The following BABAM2 variants were observed in gnomAD, a reference collection of about 807,000 sequenced individuals.
BABAM2 encodes BRISC and BRCA1 A complex member 2.
Under a neutral mutation model 54.7 loss-of-function variants are expected in BABAM2, and 31 were observed. That is an observed-to-expected ratio of 0.57 (90% CI 0.43 to 0.77). The LOEUF (loss-of-function observed/expected upper bound fraction) is 0.77. BABAM2 is among the 30% of genes least tolerant of loss of function. BABAM2 has a pLI of 0.00. For synonymous variants in BABAM2, 167 were observed against 162.9 expected, an observed-to-expected ratio of 1.03 and a Z score of -0.19; for missense variants, 364 against 455.8, an observed-to-expected ratio of 0.80 and a Z score of 1.83.
chr2:28,243,873 A>C (rs1387350662), intron 9 of BABAM2, among the ~76,000 whole-genome samples: 1 of 152,206 alleles, frequency 6.6e-6, no homozygotes, highest in Non-Finnish European at 1.5e-5. Context: ...CTGGGCGGGC[A>C]TCAATATCAG....
In BABAM2 at chr2:28,338,659, G is replaced by A. The variant is rs951555877; in HGVS notation, c.*146G>A. 43 of 897,304 alleles carry A rather than the reference G, an allele frequency of 4.8e-5. No homozygotes were observed. The East Asian group carries it at 8.5e-4, about 18-fold the overall frequency. 55.6% of individuals were successfully genotyped at this position (897,304 alleles called of 1,614,324 possible). On this transcript the variant is annotated 3_prime_UTR_variant, in exon 12 of 12. Transcript: ENST00000379624. ...GCTTTTGCACGCCCCAGGCAGCCCCGACTGCTGAAATCCAACTTGAGCTGG... is the reference window on the plus strand; with the variant it reads ...GCTTTTGCACGCCCCAGGCAGCCCCAACTGCTGAAATCCAACTTGAGCTGG...
At chr2:28,017,651 C>T (rs1412690316) in intron 4 of BABAM2, among the ~76,000 whole-genome samples, 2 of 152,174 alleles carry the variant, frequency 1.3e-5, no homozygotes, top group African/African-American at 4.8e-5. Flanking sequence ...CAAAAAGAAA[C>T]TGTGTATGCA....
chr2:28,218,107 T>A (rs1680076729), intron 7 of BABAM2, among the ~76,000 whole-genome samples: 1 of 152,256 alleles, frequency 6.6e-6, no homozygotes, highest in Non-Finnish European at 1.5e-5. Context: ...GTATTTATTC[T>A]CTATGTACTT....
intron 10 of BABAM2, among the ~76,000 whole-genome samples, chr2:28,261,843 T>C (rs934548863): frequency 2.8e-5 from 4 of 143,954 alleles, no homozygotes; most frequent in African/African-American, 7.5e-5. Flanking sequence ...ACTTTATTCA[T>C]TTATATATTG....
intron 6 of BABAM2, among the ~76,000 whole-genome samples, chr2:28,108,894 T>TTA (rs1016919026): frequency 2.0e-5 from 3 of 152,218 alleles, no homozygotes; most frequent in Non-Finnish European, 4.4e-5. Context: ...TCTCTGTATC[T>TTA]AATTAGCTCT....
At chr2:28,063,408 T>G (rs902701270) in intron 6 of BABAM2, among the ~76,000 whole-genome samples, 1 of 152,238 alleles carries the variant, frequency 6.6e-6, no homozygotes, top group African/African-American at 2.4e-5. Context: ...CAAAATATCA[T>G]TTCAACATAT....
intron 7 of BABAM2, among the ~76,000 whole-genome samples, chr2:28,136,361 T>C (rs534501837): frequency 1.4e-4 from 22 of 152,362 alleles, no homozygotes; most frequent in African/African-American, 5.0e-4. Context: ...TCTAAACTCT[T>C]TAAGGCCTGG....
At chr2:28,210,714 G>A (rs1419991261) in intron 7 of BABAM2, among the ~76,000 whole-genome samples, 2 of 152,184 alleles carry the variant, frequency 1.3e-5, no homozygotes, top group East Asian at 3.8e-4. Flanking sequence ...GCCAATGGAA[G>A]GTCCTGGATT....
intron 2 of BABAM2, chr2:27,896,867 C>A: frequency 5.0e-6 from 1 of 200,730 alleles, no homozygotes; most frequent in Non-Finnish European, 1.1e-5. Flanking sequence ...ACAGGGAGCT[C>A]GTGGTCTCTG....
At chr2:28,163,874 G>T (rs1438756903) in intron 7 of BABAM2, among the ~76,000 whole-genome samples, 1 of 152,158 alleles carries the variant, frequency 6.6e-6, no homozygotes, top group East Asian at 1.9e-4. Flanking sequence ...TTTTCCTCAG[G>T]GCACTGCCCA....
At chr2:28,289,314 G>A (rs1329186143) in intron 10 of BABAM2, among the ~76,000 whole-genome samples, 1 of 151,922 alleles carries the variant, frequency 6.6e-6, no homozygotes, top group African/African-American at 2.4e-5. Context: ...AATATAAATG[G>A]AATCATACTG....
At chr2:28,137,367 T>C (rs1376523588) in intron 7 of BABAM2, among the ~76,000 whole-genome samples, 2 of 152,154 alleles carry the variant, frequency 1.3e-5, no homozygotes, top group Non-Finnish European at 2.9e-5. Flanking sequence ...AAGATATGTA[T>C]TTGATTTTGG....
At chr2:28,042,059 A>C (rs1677141525) in intron 5 of BABAM2, among the ~76,000 whole-genome samples, 2 of 152,188 alleles carry the variant, frequency 1.3e-5, no homozygotes, top group Non-Finnish European at 1.5e-5. Context: ...AGGGAGAGTT[A>C]ACAAGATTTT....
intron 5 of BABAM2, among the ~76,000 whole-genome samples, chr2:28,042,750 G>C (rs1274028010): frequency 6.6e-6 from 1 of 152,142 alleles, no homozygotes; most frequent in Admixed American, 6.5e-5. Context: ...AGAAGGATAT[G>C]AAGTGAATGG....
intron 4 of BABAM2, among the ~76,000 whole-genome samples, chr2:28,003,981 C>T (rs999459214): frequency 5.3e-5 from 8 of 152,048 alleles, no homozygotes; most frequent in African/African-American, 1.7e-4. Context: ...ACTCATATAG[C>T]AATGAGGTTT....
At chr2:28,198,178 G>A (rs553579724) in intron 7 of BABAM2, among the ~76,000 whole-genome samples, 1 of 139,868 alleles carries the variant, frequency 7.1e-6, no homozygotes, top group East Asian at 2.1e-4. Context: ...TTTTTTTTTT[G>A]AGACTGAGTC....
intron 11 of BABAM2, among the ~76,000 whole-genome samples, chr2:28,331,952 G>A (rs1287800707): frequency 1.3e-5 from 2 of 152,150 alleles, no homozygotes; most frequent in Non-Finnish European, 2.9e-5. Context: ...AAGAAAATGT[G>A]GTGCATATAC....
At chr2:28,147,145 G>C (rs1250416019) in intron 7 of BABAM2, among the ~76,000 whole-genome samples, 1 of 152,164 alleles carries the variant, frequency 6.6e-6, no homozygotes, top group African/African-American at 2.4e-5. Context: ...CCCTGACCTT[G>C]GGCCACAGGA....
chr2:28,244,956 C>A, intron 10 of BABAM2, 94 bp downstream of exon 10: 2 of 1,056,574 alleles, frequency 1.9e-6, no homozygotes, highest in South Asian at 1.5e-5. Context: ...TCTGTCCTGT[C>A]TCGGTTCCTT....
Sources: gnomAD v4.1 joint callset for allele counts (sites outside exome capture counted in the v4.1 genomes callset) on GRCh38, gnomAD v4.1.1 for gene constraint, MANE v1.5 for transcripts, NCBI Gene and HGNC (gene_info 2026-07-23, HGNC 2026-07-21) for gene names.